PTPRH: variants seen among roughly 807,000 people sequenced by gnomAD.
PTPRH encodes the protein protein tyrosine phosphatase receptor type H.
Under a neutral mutation model 130.2 loss-of-function variants are expected in PTPRH, and 113 were observed. The ratio of observed to expected loss-of-function variants is 0.87; its 90% confidence interval spans 0.75 to 1.01. The LOEUF is 1.01. Among genes scored for constraint, PTPRH ranks in the 50% least tolerant of loss-of-function variants. PTPRH has a pLI of 0.00. For missense variants in PTPRH, 1,430 were observed against 1,425.0 expected, an observed-to-expected ratio of 1.00 and a Z score of -0.06; for synonymous variants, 556 against 577.9, an observed-to-expected ratio of 0.96 and a Z score of 0.54.
intron 5 of PTPRH, among the ~76,000 whole-genome samples, 178 bp from the exon 6 acceptor site, chr19:55,202,500 T>C (rs2086895486): frequency 6.6e-6 from 1 of 151,978 alleles, no homozygotes; most frequent in Admixed American, 6.6e-5. Context: ...TTTTGTGAAA[T>C]GAGATGAGCC....
At chr19:55,194,359 T>C in intron 10 of PTPRH, 1 of 1,227,002 alleles carries the variant, frequency 8.1e-7, no homozygotes, top group Non-Finnish European at 1.0e-6. Flanking sequence ...ACGGGAGACT[T>C]GGCCTCACAG....
In PTPRH at chr19:55,186,467, C is replaced by A; in HGVS notation, c.2640G>T (p.Met880Ile). The change falls in exon 15 of 20, where the codon ATG (methionine) becomes ATT (isoleucine). Residue 880 changes from methionine (M) to isoleucine (I), a missense_variant. Coordinates refer to ENST00000376350, the MANE Select transcript of PTPRH (RefSeq NM_002842.5). ...PGSDYINASF[M>I]PGLWSPQEFI... is the part of the protein sequence containing the mutation. ...TCAATCCCAACCACGACCTTACGGG[C>A]ATGAAGCTGGCATTGATGTAGTCAG... The A allele has an allele frequency of 6.2e-7, 1 of 1,600,906 alleles. No homozygotes were observed. The highest frequency in any genetic ancestry group is 8.5e-7 in the Non-Finnish European group (1 of 1,176,230).
Position 55,203,187 on chromosome 19 carries a change from T to C in PTPRH, c.886+595A>G, listed in dbSNP as rs1453404707. 4.0e-5 allele frequency among the ~76,000 whole-genome samples: 6 copies of C among 151,438 alleles called. No homozygotes were observed. In the Middle Eastern group the frequency reaches 0.01, roughly 258 times the overall value. On this transcript the variant is annotated intron_variant, in intron 5 of 19. Transcript: ENST00000376350. The stretch of plus-strand genomic sequence containing the variant: ...CTAAAAATACAAAAAATTAGCCAGG[T>C]GTGGCGGTGTGCGCCTGTAGTCCCA...
intron 8 of PTPRH, 64 bp downstream of exon 8, chr19:55,198,579 G>C: frequency 1.4e-6 from 2 of 1,471,408 alleles, no homozygotes; most frequent in South Asian, 2.9e-5. Context: ...AGCTCCCAAA[G>C]TCCTTTCATC....
In PTPRH at chr19:55,198,737, T is replaced by G; in HGVS notation, c.1596A>C (p.Leu532=). The G allele has an allele frequency of 6.2e-7, 1 of 1,614,112 alleles. No homozygotes were observed. The highest frequency in any genetic ancestry group is 8.5e-7 in the Non-Finnish European group (1 of 1,180,006). Residue 532 remains leucine (L), a synonymous_variant, in exon 8 of 20, where the codon CTA becomes CTC. Coordinates refer to ENST00000376350, the MANE Select transcript of PTPRH (RefSeq NM_002842.5). ...ACAGGCTGCCAGCTTCCAGTTCCTT[T>G]AGGGTGATGTCAGTACCTGAGGTGC... ...TQSTSGTDIT[L]KELEAGSLYH... is the part of the protein sequence containing the mutation.
At position 55,203,318 on chromosome 19, in the gene PTPRH, C is replaced by T. The variant is rs1600070997; in HGVS notation, c.886+464G>A. Reference sequence around the variant, plus strand: ...CTCCAGCCTGGGCGACAGAGGGAGACTCTGTCTCAAAAAAAAAAAAAAAAA... The same window carrying T: ...CTCCAGCCTGGGCGACAGAGGGAGATTCTGTCTCAAAAAAAAAAAAAAAAA... On this transcript the variant is annotated intron_variant, in intron 5 of 19. Transcript: ENST00000376350. Among the ~76,000 whole-genome samples the T allele has an allele frequency of 2.4e-5, 3 of 126,362 alleles. No homozygotes were observed. The South Asian group carries it at 7.8e-4, about 33-fold the overall frequency. 82.9% of individuals were successfully genotyped at this position (126,362 alleles called of 152,430 possible).
intron 9 of PTPRH, 110 bp downstream of exon 9, chr19:55,197,007 G>A: frequency 7.2e-7 from 1 of 1,388,882 alleles, no homozygotes; most frequent in Non-Finnish European, 9.8e-7. Context: ...TGCAGCTCAT[G>A]AAGTCATGGC....
intron 12 of PTPRH, 139 bp from the exon 13 acceptor site, chr19:55,188,307 G>A (rs2086426706): frequency 3.1e-6 from 2 of 647,766 alleles, no homozygotes; most frequent in Admixed American, 2.3e-5. Context: ...GAGGTCAGGA[G>A]TTCGAGACCA....
rs148651060 is a variant in PTPRH, at chr19:55,192,844, C to A, written c.2258-1103G>T. Among the ~76,000 whole-genome samples, 1,059 of 152,036 alleles carry A rather than the reference C, an allele frequency of 7.0e-3. 15 individuals carry two copies. The highest frequency in any genetic ancestry group is 0.024 in the African/African-American group (1,004 of 41,488). On this transcript the variant is annotated intron_variant, in intron 10 of 19. Coordinates refer to ENST00000376350, the MANE Select transcript of PTPRH (RefSeq NM_002842.5). ...GGGATTATAGGCATGAGCCACCATG[C>A]CCGGCTGTTATATGCAGATTTTCTA...
chr19:55,196,972 A>G, intron 9 of PTPRH, 145 bp downstream of exon 9: 3 of 1,191,332 alleles, frequency 2.5e-6, no homozygotes, highest in Non-Finnish European at 3.5e-6. Context: ...TACAACTCCC[A>G]TGAGGCCTTG....
chr19:55,183,634 G>C (rs2086239439), intron 18 of PTPRH, among the ~76,000 whole-genome samples: 2 of 152,112 alleles, frequency 1.3e-5, no homozygotes, highest in African/African-American at 4.8e-5. Flanking sequence ...TGAGGCAGGA[G>C]AATTGCTTGA....
intron 9 of PTPRH, 44 bp from the exon 10 acceptor site, chr19:55,196,832 C>A: frequency 6.3e-7 from 1 of 1,586,606 alleles, no homozygotes; most frequent in Admixed American, 1.7e-5. Context: ...TCCAAGGTGG[C>A]TTTCCACCCC....
chr19:55,185,397 C>A (rs2086289352), intron 18 of PTPRH, 105 bp downstream of exon 18: 1 of 1,266,052 alleles, frequency 7.9e-7, no homozygotes, highest in South Asian at 1.5e-5. Flanking sequence ...CTCCTTCTCT[C>A]CCTCTTCACC....
chr19:55,188,194 A>G, intron 12 of PTPRH, 26 bp from the exon 13 acceptor site: 1 of 1,570,598 alleles, frequency 6.4e-7, no homozygotes, highest in Non-Finnish European at 8.8e-7. Flanking sequence ...GAGCAGGGAG[A>G]AAAGACCGTA....
rs369061024 is a variant in PTPRH, at chr19:55,182,145, G to A, written c.3069C>T (p.Gly1023=). The stretch of plus-strand genomic sequence containing the variant: ...CAATGAGGGTTCCTGTGCGACCCAC[G>A]CCAGCACTAGGCAGAACAAGGGAAG... ...GGPPIVHCSA[G]VGRTGTLIAL... The change falls in exon 19 of 20, where the codon GGC becomes GGT. Residue 1023 remains glycine (G), a synonymous_variant. Coordinates refer to ENST00000376350, the MANE Select transcript of PTPRH (RefSeq NM_002842.5). The A allele has an allele frequency of 1.1e-5, 18 of 1,613,512 alleles. No individual in the cohort carries two copies. The highest frequency in any genetic ancestry group is 1.4e-5 in the Non-Finnish European group (17 of 1,180,012).
At chr19:55,191,854 C>A in intron 10 of PTPRH, 113 bp from the exon 11 acceptor site, 1 of 906,052 alleles carries the variant, frequency 1.1e-6, no homozygotes, top group African/African-American at 1.7e-5. Context: ...AGACAGCTGA[C>A]CCCCGAACAT....
rs913182692 is a variant in PTPRH, at chr19:55,187,622, G to A, written c.2476-19C>T. 3 of 1,578,582 alleles carry A rather than the reference G, an allele frequency of 1.9e-6. No homozygotes were observed. Among genetic ancestry groups the A allele is most frequent in the African/African-American group, 1.3e-5 (1 of 74,074 alleles). ...AGAGTTGCTGGGGATGCAGGGAGAG[G>A]GGGTACCTGGTGTTGGATTTTCTCT... On this transcript the variant is annotated intron_variant, in intron 13 of 19. Coordinates refer to ENST00000376350, the MANE Select transcript of PTPRH (RefSeq NM_002842.5).
intron 12 of PTPRH, among the ~76,000 whole-genome samples, 175 bp downstream of exon 12, chr19:55,191,326 C>T (rs1265083252): frequency 6.6e-6 from 1 of 152,182 alleles, no homozygotes; most frequent in Non-Finnish European, 1.5e-5. Context: ...GCCCAGGCTG[C>T]TTGGGGAGTG....
rs1236676787 is a variant in PTPRH at position 55,197,198 on chromosome 19, G to C, written c.1909C>G (p.Pro637Ala). The C allele has an allele frequency of 1.9e-6, 3 of 1,614,142 alleles. No individual in the cohort carries two copies. In the African/African-American group the frequency reaches 4.0e-5, roughly 22 times the overall value. The change falls in exon 9 of 20, where the codon CCC (proline) becomes GCC (alanine). Residue 637 changes from proline to alanine, a missense_variant. Coordinates refer to ENST00000376350, the MANE Select transcript of PTPRH (RefSeq NM_002842.5). The part of the protein sequence containing the change: ...ETWYKVEALE[P>A]GTLYNFTVWA... The stretch of plus-strand genomic sequence containing the variant: ...ACGGTGAAATTGTACAACGTCCCGG[G>C]TTCCAGGGCCTCCACTTTGTACCAC...
Sources: allele counts gnomAD v4.1 joint callset (sites outside exome capture counted in the v4.1 genomes callset), GRCh38; gene constraint gnomAD v4.1.1; transcripts MANE v1.5; gene names NCBI Gene and HGNC (gene_info 2026-07-23, HGNC 2026-07-21).